The following PCDH15 variants were observed in gnomAD, a reference collection of about 807,000 sequenced individuals.
PCDH15 encodes the protein protocadherin-15.
PCDH15 carries 129 observed loss-of-function variants against 178.5 expected under a neutral mutation model. The ratio of observed to expected loss-of-function variants is 0.72; its 90% CI spans 0.63 to 0.84. The LOEUF (loss-of-function observed/expected upper bound fraction) is 0.84, where lower values mean the gene tolerates loss of function less well. Among genes scored for constraint, PCDH15 ranks in the 40% least tolerant of loss-of-function variants. The pLI, the probability that PCDH15 is intolerant of heterozygous loss-of-function variation, is 0.00. For missense variants in PCDH15, 2,230 were observed against 2,099.9 expected (o/e 1.06, Z -1.21); for synonymous variants, 800 against 732.0 (o/e 1.09, Z -1.50).
intron 2 of PCDH15, among the ~76,000 whole-genome samples, chr10:54,570,305 AAGTAG>A (rs1164563282): frequency 2.6e-5 from 4 of 152,138 alleles, no homozygotes; most frequent in Non-Finnish European, 5.9e-5. Context: ...AAAACCTGGA[AAGTAG>A]AGTATTGAAA....
At chr10:54,356,932 C>A (rs913362011) in intron 5 of PCDH15, among the ~76,000 whole-genome samples, 22 of 152,092 alleles carry the variant, frequency 1.4e-4, no homozygotes, top group African/African-American at 2.7e-4. Flanking sequence ...TCAATAGATG[C>A]AGAAAAGGCC....
chr10:53,888,968 G>GA (rs962730072), intron 26 of PCDH15, among the ~76,000 whole-genome samples: 29 of 147,562 alleles, frequency 2.0e-4, no homozygotes, highest in Middle Eastern at 3.5e-3. Context: ...GTAGAGTGGA[G>GA]AAAAAAAATG....
intron 8 of PCDH15, among the ~76,000 whole-genome samples, chr10:54,258,647 A>G (rs1243629100): frequency 6.6e-6 from 1 of 152,184 alleles, no homozygotes. Flanking sequence ...TTATTTTTGA[A>G]ACATTAGTTT....
intron 2 of PCDH15, among the ~76,000 whole-genome samples, chr10:55,114,555 A>G (rs909849962): frequency 3.3e-5 from 5 of 152,230 alleles, no homozygotes; most frequent in Non-Finnish European, 7.3e-5. Flanking sequence ...CCTTGTAGCT[A>G]TGTAAGACAA....
intron 3 of PCDH15, among the ~76,000 whole-genome samples, chr10:54,815,366 T>C (rs1416132292): frequency 6.6e-6 from 1 of 152,064 alleles, no homozygotes; most frequent in Non-Finnish European, 1.5e-5. Flanking sequence ...CCATTCACAG[T>C]TAAGAGAAAT....
chr10:54,385,189 G>T (rs1385633027), intron 3 of PCDH15, among the ~76,000 whole-genome samples: 2 of 151,898 alleles, frequency 1.3e-5, no homozygotes, highest in East Asian at 1.9e-4. Flanking sequence ...AGAAAATGTG[G>T]TTTTTTAGTA....
intron 1 of PCDH15, among the ~76,000 whole-genome samples, chr10:55,309,217 A>G (rs997293763): frequency 1.3e-5 from 2 of 152,186 alleles, no homozygotes; most frequent in East Asian, 3.9e-4. Context: ...ATGTATGACA[A>G]TAAAAACAGT....
intron 1 of PCDH15, among the ~76,000 whole-genome samples, chr10:55,258,178 T>C (rs951854011): frequency 1.3e-5 from 2 of 152,284 alleles, no homozygotes; most frequent in Non-Finnish European, 2.9e-5. Flanking sequence ...TTAGAAATAA[T>C]AGGGACATGA....
chr10:53,843,630 A>T (rs1232653428), intron 28 of PCDH15, among the ~76,000 whole-genome samples: 1 of 152,096 alleles, frequency 6.6e-6, no homozygotes, highest in Non-Finnish European at 1.5e-5. Flanking sequence ...GAATAAAAGA[A>T]CAATATAGTT....
chr10:55,010,020 A>G (rs1289924669), intron 2 of PCDH15, among the ~76,000 whole-genome samples: 1 of 152,130 alleles, frequency 6.6e-6, no homozygotes, highest in African/African-American at 2.4e-5. Flanking sequence ...CTAACAATAC[A>G]AGTATAGTGT....
intron 2 of PCDH15, among the ~76,000 whole-genome samples, chr10:55,580,343 AT>A (rs1197254318): frequency 2.1e-5 from 3 of 145,302 alleles, no homozygotes; most frequent in African/African-American, 5.0e-5. Context: ...TGGCTTCTTC[AT>A]TTTTTTTATT....
chr10:55,259,902 CAAAAAAAAAAAAAAAAAAAAAAAA>C (rs749939571), intron 1 of PCDH15, among the ~76,000 whole-genome samples: 2 of 52,012 alleles, frequency 3.8e-5, no homozygotes, highest in Middle Eastern at 0.017. Flanking sequence ...AACTCCGTCT[CAAAAAAAAAAAAAAAAAAAAAAAA>C]AAAAAAAAAA....
intron 2 of PCDH15, among the ~76,000 whole-genome samples, chr10:55,111,446 T>A (rs1388845175): frequency 6.6e-6 from 1 of 152,212 alleles, no homozygotes; most frequent in Non-Finnish European, 1.5e-5. Context: ...GGCTAATAAT[T>A]AATTGGTACT....
intron 2 of PCDH15, among the ~76,000 whole-genome samples, chr10:54,991,975 T>C (rs1839511487): frequency 6.6e-6 from 1 of 152,124 alleles, no homozygotes; most frequent in African/African-American, 2.4e-5. Flanking sequence ...ACATATTTTA[T>C]ATAATATCTT....
intron 26 of PCDH15, among the ~76,000 whole-genome samples, chr10:53,894,854 G>A (rs564253315): frequency 1.3e-5 from 2 of 152,256 alleles, no homozygotes; most frequent in East Asian, 3.9e-4. Context: ...AAGTCTCACA[G>A]AGAGATAAGA....
intron 1 of PCDH15, among the ~76,000 whole-genome samples, chr10:54,713,376 G>C (rs780003813): frequency 6.6e-6 from 1 of 152,002 alleles, no homozygotes; most frequent in Non-Finnish European, 1.5e-5. Flanking sequence ...ACGCACGAGA[G>C]GAATATATTT....
chr10:54,116,968 C>T (rs2095124637), intron 15 of PCDH15, among the ~76,000 whole-genome samples: 1 of 152,052 alleles, frequency 6.6e-6, no homozygotes, highest in African/African-American at 2.4e-5. Flanking sequence ...ATGAGGAGTG[C>T]TTATTTTTAA....
At chr10:55,335,800 G>C (rs1844370292) in intron 2 of PCDH15, among the ~76,000 whole-genome samples, 1 of 152,014 alleles carries the variant, frequency 6.6e-6, no homozygotes, top group South Asian at 2.1e-4. Context: ...CTTGAGAAAA[G>C]GGGTAACTTG....
At chr10:54,774,566 G>T (rs961177836) in intron 1 of PCDH15, among the ~76,000 whole-genome samples, 1 of 152,046 alleles carries the variant, frequency 6.6e-6, no homozygotes, top group Non-Finnish European at 1.5e-5. Context: ...CAGGCGTATT[G>T]TTATACATGC....
Sources: allele counts gnomAD v4.1 joint callset (sites outside exome capture counted in the v4.1 genomes callset), GRCh38; gene constraint gnomAD v4.1.1; transcripts MANE v1.5; gene names NCBI Gene and HGNC (gene_info 2026-07-23, HGNC 2026-07-21).